TFEC: variants seen among roughly 807,000 people sequenced by gnomAD.
TFEC encodes the protein transcription factor EC.
In TFEC, 31 loss-of-function variants were observed where a neutral mutation model predicts 41.6. The ratio of observed to expected loss-of-function variants is 0.74; its 90% CI spans 0.56 to 1.01. TFEC has a LOEUF of 1.01. Ranked by LOEUF, TFEC falls within the 50% of genes least tolerant of loss-of-function variation. TFEC has a pLI of 0.00. For missense variants in TFEC, 402 were observed against 404.1 expected, an observed-to-expected ratio of 0.99 and a Z score of 0.04; for synonymous variants, 143 against 140.6, an observed-to-expected ratio of 1.02 and a Z score of -0.12.
intron 1 of TFEC, among the ~76,000 whole-genome samples, chr7:116,026,614 T>G (rs570884419): frequency 4.4e-4 from 67 of 152,326 alleles, no homozygotes; most frequent in African/African-American, 1.5e-3. Context: ...GTCATGTCAC[T>G]GGGCAGATTC....
chr7:116,152,656 G>C (rs984007956), intron 1 of TFEC, among the ~76,000 whole-genome samples: 8 of 152,156 alleles, frequency 5.3e-5, no homozygotes, highest in African/African-American at 1.7e-4. Context: ...AATGTACTCA[G>C]AATCGTATTG....
intron 1 of TFEC, among the ~76,000 whole-genome samples, chr7:116,158,593 A>C (rs951396566): frequency 6.6e-6 from 1 of 152,126 alleles, no homozygotes; most frequent in Non-Finnish European, 1.5e-5. Flanking sequence ...TGTGCTGATG[A>C]AAATCAATGA....
At chr7:115,964,521 CCAT>C (rs1353295914) in intron 3 of TFEC, among the ~76,000 whole-genome samples, 1 of 151,524 alleles carries the variant, frequency 6.6e-6, no homozygotes, top group South Asian at 2.1e-4. Context: ...TAATTTGCCA[CCAT>C]CAAGTTTGAT....
intron 1 of TFEC, among the ~76,000 whole-genome samples, chr7:116,026,949 C>G (rs944867995): frequency 1.3e-5 from 2 of 152,176 alleles, no homozygotes; most frequent in Non-Finnish European, 2.9e-5. Context: ...TCAGATGCCT[C>G]TTAGCCAAAT....
chr7:115,982,490 T>A (rs985957265), intron 2 of TFEC, among the ~76,000 whole-genome samples: 1 of 152,244 alleles, frequency 6.6e-6, no homozygotes, highest in African/African-American at 2.4e-5. Flanking sequence ...ATAGTAAGTC[T>A]GTGAATGATG....
chr7:116,147,475 T>C (rs1223913354), intron 1 of TFEC, among the ~76,000 whole-genome samples: 1 of 152,186 alleles, frequency 6.6e-6, no homozygotes, highest in Non-Finnish European at 1.5e-5. Context: ...TACATATGTA[T>C]ACATATGCCA....
intron 1 of TFEC, among the ~76,000 whole-genome samples, chr7:116,144,947 T>C (rs955447914): frequency 2.0e-5 from 3 of 152,168 alleles, no homozygotes; most frequent in Non-Finnish European, 4.4e-5. Flanking sequence ...TCTCTCTCTC[T>C]TTCTCTCCAG....
intron 1 of TFEC, among the ~76,000 whole-genome samples, chr7:116,004,325 G>T (rs1472488421): frequency 1.3e-5 from 2 of 152,012 alleles, no homozygotes; most frequent in African/African-American, 4.8e-5. Context: ...AACATGAAAG[G>T]GGTAATAAGT....
intron 3 of TFEC, among the ~76,000 whole-genome samples, chr7:116,086,504 C>A (rs1236809910): frequency 6.6e-6 from 1 of 151,784 alleles, no homozygotes. Context: ...TGAGGTGTGA[C>A]CACGAGTGAT....
intron 3 of TFEC, among the ~76,000 whole-genome samples, chr7:116,046,465 C>T (rs766869022): frequency 1.3e-5 from 2 of 152,096 alleles, no homozygotes; most frequent in African/African-American, 4.8e-5. Flanking sequence ...TGCGTTTCCC[C>T]TCTTGCCATG....
chr7:115,944,013 ATTTTTTTTTT>A (rs1160114562), intron 6 of TFEC, among the ~76,000 whole-genome samples: 435 of 22,854 alleles, frequency 0.019, 27 homozygotes, highest in African/African-American at 0.045. Context: ...ACAGGTCTGA[ATTTTTTTTTT>A]TTTTTTTTTT....
chr7:116,151,582 T>C (rs1798761795), intron 1 of TFEC, among the ~76,000 whole-genome samples: 1 of 152,172 alleles, frequency 6.6e-6, no homozygotes, highest in Admixed American at 6.5e-5. Context: ...GGATTTTTCT[T>C]CTCCTTGTAG....
intron 1 of TFEC, among the ~76,000 whole-genome samples, chr7:116,125,498 G>C (rs1798190877): frequency 6.6e-6 from 1 of 152,156 alleles, no homozygotes; most frequent in East Asian, 1.9e-4. Flanking sequence ...GACCATCATG[G>C]TTGTGCTTTG....
chr7:116,028,058 G>T (rs1795652342), intron 1 of TFEC, among the ~76,000 whole-genome samples: 1 of 152,044 alleles, frequency 6.6e-6, no homozygotes, highest in Non-Finnish European at 1.5e-5. Context: ...TCTTAAACCT[G>T]GTCACCTGAG....
intron 3 of TFEC, among the ~76,000 whole-genome samples, chr7:116,082,963 A>G (rs963323904): frequency 1.3e-5 from 2 of 151,920 alleles, no homozygotes; most frequent in African/African-American, 4.8e-5. Context: ...GAAAAATTCA[A>G]TTGAAACATC....
At chr7:116,028,193 A>C (rs1207915331) in intron 1 of TFEC, among the ~76,000 whole-genome samples, 2 of 152,122 alleles carry the variant, frequency 1.3e-5, no homozygotes, top group Non-Finnish European at 2.9e-5. Context: ...TGGTGTGTAA[A>C]TGGCCAAGAC....
intron 3 of TFEC, among the ~76,000 whole-genome samples, chr7:116,045,745 C>T (rs1346696814): frequency 6.6e-6 from 1 of 152,176 alleles, no homozygotes; most frequent in Non-Finnish European, 1.5e-5. Flanking sequence ...TCCTCAAGAC[C>T]CCAGAATGGT....
intron 1 of TFEC, among the ~76,000 whole-genome samples, chr7:116,154,475 A>G (rs903046101): frequency 3.3e-5 from 5 of 152,134 alleles, no homozygotes; most frequent in African/African-American, 1.2e-4. Context: ...GATGGCATTC[A>G]TTCAGGTATA....
In TFEC at chr7:115,974,268, T is replaced by C; in HGVS notation, c.181-12A>G. 6.4e-7 allele frequency: 1 copy of C among 1,573,058 alleles called. No homozygotes were observed. The highest frequency in any genetic ancestry group is 1.4e-5 in the African/African-American group (1 of 72,784). ...ATAACGTCCTCCATCTAGCAAAATATAATACATTTAGAATATTGTACATAA... is the reference window on the plus strand; with the variant it reads ...ATAACGTCCTCCATCTAGCAAAATACAATACATTTAGAATATTGTACATAA... On this transcript the variant is annotated splice_polypyrimidine_tract_variant and intron_variant, in intron 2 of 7. Transcript: ENST00000265440.
Sources: allele counts gnomAD v4.1 joint callset (sites outside exome capture counted in the v4.1 genomes callset), GRCh38; gene constraint gnomAD v4.1.1; transcripts MANE v1.5; gene names NCBI Gene and HGNC (gene_info 2026-07-23, HGNC 2026-07-21).